GRID2: variants seen among roughly 807,000 people sequenced by gnomAD.
GRID2 encodes glutamate receptor ionotropic, delta-2.
GRID2 carries 33 observed loss-of-function variants against 114.8 expected under a neutral mutation model. The observed-to-expected ratio is 0.29, with a 90% CI of 0.22 to 0.38. GRID2 has a LOEUF of 0.38. Ranked by LOEUF, GRID2 falls within the 10% of genes least tolerant of loss-of-function variation. GRID2 has a pLI of 1.00. For missense variants in GRID2, 1,184 were observed against 1,257.7 expected (o/e 0.94, Z 0.89); for synonymous variants, 505 against 449.9 (o/e 1.12, Z -1.55).
chr4:93,683,139 A>C (rs537266073), intron 14 of GRID2, among the ~76,000 whole-genome samples: 69 of 151,956 alleles, frequency 4.5e-4, no homozygotes, highest in Middle Eastern at 6.8e-3. Context: ...TCTATTTGCC[A>C]TTCTCATCAG....
At chr4:92,995,152 G>A (rs1406915382) in intron 2 of GRID2, among the ~76,000 whole-genome samples, 1 of 152,166 alleles carries the variant, frequency 6.6e-6, no homozygotes, top group Non-Finnish European at 1.5e-5. Context: ...CTAGTGGGCA[G>A]AGACATTTCT....
intron 1 of GRID2, among the ~76,000 whole-genome samples, chr4:92,320,597 C>T (rs1726260549): frequency 6.6e-6 from 1 of 151,996 alleles, no homozygotes; most frequent in African/African-American, 2.4e-5. Flanking sequence ...GCCTCAGCCT[C>T]CCAAGTAACA....
chr4:93,541,994 T>C (rs1004399646), intron 13 of GRID2, among the ~76,000 whole-genome samples: 7 of 152,212 alleles, frequency 4.6e-5, no homozygotes, highest in African/African-American at 1.7e-4. Context: ...TATTTTACTT[T>C]AGCTTGCCAT....
intron 4 of GRID2, among the ~76,000 whole-genome samples, chr4:93,112,913 G>T (rs1195309355): frequency 6.6e-6 from 1 of 152,070 alleles, no homozygotes; most frequent in Non-Finnish European, 1.5e-5. Context: ...TTGGATGAGG[G>T]TTCACCCTAA....
At position 93,611,891 on chromosome 4, in the gene GRID2, A is replaced by T. The variant is rs535819207; in HGVS notation, c.2194-14378A>T. Among the ~76,000 whole-genome samples, 852 of 151,642 alleles carry T rather than the reference A, an allele frequency of 5.6e-3. 11 individuals are homozygous for T. The highest frequency in any genetic ancestry group is 0.019 in the African/African-American group (782 of 41,212). ...TCCTTGTTGACTTTCTGTCTCATGG[A>T]TCTGTCTAATGTTGACAGTGGGGTG... On this transcript the variant is annotated intron_variant, in intron 13 of 15. Coordinates refer to ENST00000282020, the MANE Select transcript of GRID2 (RefSeq NM_001510.4).
At chr4:93,212,959 A>T (rs1002091363) in intron 5 of GRID2, among the ~76,000 whole-genome samples, 2 of 151,522 alleles carry the variant, frequency 1.3e-5, no homozygotes, top group Non-Finnish European at 2.9e-5. Context: ...TTTTAGTAGA[A>T]ATGGGGTTTC....
chr4:92,440,148 G>C (rs1732965247), intron 1 of GRID2, among the ~76,000 whole-genome samples: 1 of 146,226 alleles, frequency 6.8e-6, no homozygotes, highest in African/African-American at 2.4e-5. Flanking sequence ...TTTTAAGTTG[G>C]TGGCTGAGCT....
At chr4:92,925,032 CAT>C (rs1350922771) in intron 2 of GRID2, among the ~76,000 whole-genome samples, 1 of 152,060 alleles carries the variant, frequency 6.6e-6, no homozygotes, top group Admixed American at 6.6e-5. Context: ...CACATTTTAA[CAT>C]ATGAATTAAT....
At chr4:92,625,145 T>C (rs1730458587) in intron 2 of GRID2, among the ~76,000 whole-genome samples, 2 of 151,848 alleles carry the variant, frequency 1.3e-5, no homozygotes, top group African/African-American at 2.4e-5. Flanking sequence ...CTGAAAGTTA[T>C]CTTGATTCCT....
At chr4:93,583,504 G>GT (rs924127874) in intron 13 of GRID2, among the ~76,000 whole-genome samples, 6 of 151,854 alleles carry the variant, frequency 4.0e-5, no homozygotes, top group Admixed American at 3.9e-4. Flanking sequence ...CTCATTGAAT[G>GT]TTTTTTGCTA....
At chr4:93,517,723 T>A (rs1376616197) in intron 13 of GRID2, among the ~76,000 whole-genome samples, 1 of 151,890 alleles carries the variant, frequency 6.6e-6, no homozygotes, top group African/African-American at 2.4e-5. Context: ...GGAATGTGGT[T>A]GTGGATTCTT....
At chr4:93,764,726 A>C (rs1210844894) in intron 14 of GRID2, among the ~76,000 whole-genome samples, 1 of 152,210 alleles carries the variant, frequency 6.6e-6, no homozygotes, top group Non-Finnish European at 1.5e-5. Context: ...CTAATAGTTT[A>C]AGTATTTACA....
At chr4:92,540,367 G>A (rs948267177) in intron 1 of GRID2, among the ~76,000 whole-genome samples, 1 of 152,072 alleles carries the variant, frequency 6.6e-6, no homozygotes. Flanking sequence ...GCAACCTACA[G>A]ATTGGGAGAA....
intron 2 of GRID2, among the ~76,000 whole-genome samples, chr4:93,062,588 C>T (rs1314531361): frequency 6.6e-6 from 1 of 151,964 alleles, no homozygotes; most frequent in Non-Finnish European, 1.5e-5. Flanking sequence ...TCTGATTCCT[C>T]CTGATTTTTT....
chr4:92,881,447 T>C (rs1301152361), intron 2 of GRID2, among the ~76,000 whole-genome samples: 1 of 152,176 alleles, frequency 6.6e-6, no homozygotes, highest in African/African-American at 2.4e-5. Context: ...GTTCTCAAGG[T>C]GGCCATGTGA....
intron 1 of GRID2, among the ~76,000 whole-genome samples, 157 bp downstream of exon 1, chr4:92,304,901 T>G (rs1725295950): frequency 6.6e-6 from 1 of 152,118 alleles, no homozygotes; most frequent in South Asian, 2.1e-4. Flanking sequence ...CTTGCTCAGT[T>G]TTCTGAAAGG....
intron 8 of GRID2, among the ~76,000 whole-genome samples, chr4:93,327,589 C>A (rs568931955): frequency 6.6e-6 from 1 of 152,030 alleles, no homozygotes; most frequent in Non-Finnish European, 1.5e-5. Context: ...TCTTTTGCAG[C>A]AACATGGATG....
chr4:93,345,426 T>C (rs974219049), intron 8 of GRID2, among the ~76,000 whole-genome samples: 5 of 152,168 alleles, frequency 3.3e-5, no homozygotes, highest in African/African-American at 9.6e-5. Context: ...CATACCCCTG[T>C]TGGCCATTTG....
intron 13 of GRID2, among the ~76,000 whole-genome samples, chr4:93,548,180 TA>T (rs371142490): frequency 4.0e-5 from 6 of 150,218 alleles, no homozygotes; most frequent in Non-Finnish European, 7.4e-5. Flanking sequence ...CCATCTCAAT[TA>T]AAAAAAAAGA....
Sources: allele counts gnomAD v4.1 joint callset (sites outside exome capture counted in the v4.1 genomes callset), GRCh38; gene constraint gnomAD v4.1.1; transcripts MANE v1.5; gene names NCBI Gene and HGNC (gene_info 2026-07-23, HGNC 2026-07-21).